Variants in PRAG1 observed in about 807,000 individuals in gnomAD.
PRAG1 encodes inactive tyrosine-protein kinase PRAG1.
A neutral mutation model predicts 95.6 loss-of-function variants in PRAG1; 110 were observed. The ratio of observed to expected loss-of-function variants is 1.15; its 90% confidence interval spans 0.99 to 1.35. The LOEUF is 1.35. Ranked by LOEUF, PRAG1 falls within the 40% of genes most tolerant of loss-of-function variation. The pLI, the probability that PRAG1 is intolerant of heterozygous loss-of-function variation, is 0.00. For synonymous variants in PRAG1, 1,052 were observed against 819.4 expected (o/e 1.28, Z -4.85); for missense variants, 2,554 against 1,864.7 (o/e 1.37, Z -6.81).
chr8:8,363,858 G>GTT (rs1799921961), intron 3 of PRAG1, among the ~76,000 whole-genome samples: 1 of 152,042 alleles, frequency 6.6e-6, no homozygotes, highest in East Asian at 1.9e-4. Context: ...TTGTGCTATA[G>GTT]ATTTCATTCT....
rs1800418402 is a variant in PRAG1, at chr8:8,376,795, G to C, written c.1614C>G (p.Pro538=). ...TGGGGGGAATGGCGGGCCTCTCCTTGGGCTTGCTCTCGCTGGCACTGTGAG... is the reference window on the plus strand; with the variant it reads ...TGGGGGGAATGGCGGGCCTCTCCTTCGGCTTGCTCTCGCTGGCACTGTGAG... ...SHAHSASESK[P]KERPAIPPKL... The change falls in exon 3 of 6, where the codon CCC becomes CCG. Residue 538 remains proline (P), a synonymous_variant. Transcript: ENST00000615670. 2.5e-6 allele frequency: 4 copies of C among 1,611,226 alleles called. No homozygotes were observed. Among genetic ancestry groups the C allele is most frequent in the Admixed American group, 3.3e-5 (2 of 59,998 alleles).
intron 3 of PRAG1, chr8:8,374,670 T>C: frequency 1.0e-6 from 1 of 985,380 alleles, no homozygotes; most frequent in Non-Finnish European, 1.2e-6. Flanking sequence ...AATCTCTCAT[T>C]CATTCGGGGA....
chr8:8,355,169 T>C (rs990620489), intron 3 of PRAG1, among the ~76,000 whole-genome samples: 4 of 152,062 alleles, frequency 2.6e-5, no homozygotes, highest in Non-Finnish European at 5.9e-5. Flanking sequence ...CAATCCAACT[T>C]ACAATGGCAT....
intron 3 of PRAG1, among the ~76,000 whole-genome samples, chr8:8,344,049 T>C (rs893004431): frequency 6.6e-6 from 1 of 152,198 alleles, no homozygotes; most frequent in Non-Finnish European, 1.5e-5. Flanking sequence ...ATATGTTTTT[T>C]TCATCCTAAG....
chr8:8,351,500 A>G (rs962377756), intron 3 of PRAG1, among the ~76,000 whole-genome samples: 1 of 152,128 alleles, frequency 6.6e-6, no homozygotes, highest in Admixed American at 6.5e-5. Context: ...TGATGTCTCT[A>G]CTCTTACTAC....
In PRAG1 at chr8:8,377,761, C is replaced by G. The variant is rs753950869; in HGVS notation, c.648G>C (p.Gly216=). ...SFRQKLAAFA[G]TTSGCHQGPG... ...GGCCCTGGTGACAGCCAGATGTGGT[C>G]CCAGCAAAGGCAGCCAGTTTCTGGC... The change falls in exon 3 of 6, where the codon GGG becomes GGC. Residue 216 remains glycine, a synonymous_variant. Transcript: ENST00000615670. 6.2e-6 allele frequency: 10 copies of G among 1,613,994 alleles called. No homozygotes were observed. The highest frequency in any genetic ancestry group is 1.7e-5 in the Admixed American group (1 of 60,014).
rs750830312 is a variant in PRAG1, at chr8:8,319,311, A to G, written c.3073-9T>C. ...TCAGGGGCTTTGCAGATCTGTGGAGAGAAGAAGAAGTGAAATCAAGAGTGG... is the reference window on the plus strand; with the variant it reads ...TCAGGGGCTTTGCAGATCTGTGGAGGGAAGAAGAAGTGAAATCAAGAGTGG... On this transcript the variant is annotated splice_polypyrimidine_tract_variant and intron_variant, in intron 5 of 5. Coordinates refer to ENST00000615670, the MANE Select transcript of PRAG1 (RefSeq NM_001080826.3). The G allele has an allele frequency of 6.0e-6, 9 of 1,489,174 alleles. No homozygotes were observed. The highest frequency in any genetic ancestry group is 3.7e-4 in the Middle Eastern group (2 of 5,452). The allele number at this position is 1,489,174 out of a possible 1,614,324, so 92.2% of individuals were successfully genotyped here. A position where few individuals can be genotyped will look rare whatever the true frequency, so the allele number is the denominator to read the frequency against.
chr8:8,327,262 C>T (rs1045137471), intron 5 of PRAG1, among the ~76,000 whole-genome samples: 6 of 152,166 alleles, frequency 3.9e-5, no homozygotes, highest in Non-Finnish European at 7.3e-5. Flanking sequence ...AGCTGCTGAG[C>T]ACTAAGTGTT....
At chr8:8,339,997 C>T (rs1223257326) in intron 3 of PRAG1, among the ~76,000 whole-genome samples, 1 of 152,210 alleles carries the variant, frequency 6.6e-6, no homozygotes, top group Non-Finnish European at 1.5e-5. Flanking sequence ...TATTATCATA[C>T]ACACCAATGT....
In PRAG1 at chr8:8,318,694, G is replaced by T. The variant is rs757511694; in HGVS notation, c.3681C>A (p.Thr1227=). 1.2e-6 allele frequency: 2 copies of T among 1,610,972 alleles called. No individual in the cohort carries two copies. The highest frequency in any genetic ancestry group is 1.7e-6 in the Non-Finnish European group (2 of 1,179,562). The change falls in exon 6 of 6, where the codon ACC becomes ACA. Residue 1227 remains threonine (T), a synonymous_variant. Coordinates refer to ENST00000615670, the MANE Select transcript of PRAG1 (RefSeq NM_001080826.3). This position sits in a 1 kb window ranked among gnomAD's most constrained non-coding sequence, Gnocchi z 4.2. ...FLKAKQKPGG[T]PNLQQKKSQA... ...GGCTCTTCTTCTGCTGCAGGTTTGG[G>T]GTGCCGCCCGGCTTCTGCTTGGCCT...
At position 8,318,550 on chromosome 8, in the gene PRAG1, G is replaced by C. The variant is rs1798356166; in HGVS notation, c.3825C>G (p.Ala1275=). The C allele has an allele frequency of 6.2e-7, 1 of 1,613,518 alleles. No individual in the cohort carries two copies. Among genetic ancestry groups the C allele is most frequent in the African/African-American group, 1.3e-5 (1 of 74,916 alleles). The change falls in exon 6 of 6, where the codon GCC becomes GCG. Residue 1275 remains alanine, a synonymous_variant. Transcript: ENST00000615670. The surrounding 1 kb of genome is among the most constrained non-coding windows in gnomAD (Gnocchi z 4.2). ...GCCGGTAGTCTCTCTCCCGCAGCTG[G>C]GCGCGCACCTCGAACGGGTTGGGTT... ...LHQPNPFEVR[A]QLRERDYRQE... is the part of the protein sequence containing the mutation.
rs548330712 is a variant in PRAG1 at position 8,373,692 on chromosome 8, G to T, written c.2162+2555C>A. ...GGTCTCAAAGTCCTGGGCTCAAGCA[G>T]TCTGCCTGCCTTGGCCTCCCAAAGT... On this transcript the variant is annotated intron_variant, in intron 3 of 5. Transcript: ENST00000615670. 5.3e-5 allele frequency among the ~76,000 whole-genome samples: 8 copies of T among 152,204 alleles called. No homozygotes were observed. The East Asian group carries it at 1.4e-3, about 26-fold the overall frequency.
chr8:8,318,421 G>C lies in PRAG1; in HGVS notation c.3954C>G (p.Ile1318Met), dbSNP rs369760194. ...LEADPIKRIR[I>M]GEAKRVLQCL... ...ACTGCAGCACGCGCTTGGCCTCGCC[G>C]ATGCGGATACGCTTGATGGGGTCGG... Residue 1318 changes from isoleucine (I) to methionine (M), a missense_variant, in exon 6 of 6, where the codon ATC (isoleucine) becomes ATG (methionine). Physicochemically the swap from Ile to Met is conservative, Grantham distance 10. Coordinates refer to ENST00000615670, the MANE Select transcript of PRAG1 (RefSeq NM_001080826.3). This position sits in a 1 kb window ranked among gnomAD's most constrained non-coding sequence, Gnocchi z 4.2. The C allele has an allele frequency of 3.1e-6, 5 of 1,612,848 alleles. No homozygotes were observed. Among genetic ancestry groups the C allele is most frequent in the Non-Finnish European group, 4.2e-6 (5 of 1,179,768 alleles).
In PRAG1 at chr8:8,377,473, A is replaced by G. The variant is rs1800457269; in HGVS notation, c.936T>C (p.Cys312=). The change falls in exon 3 of 6, where the codon TGT becomes TGC. Residue 312 remains cysteine, a synonymous_variant. Coordinates refer to ENST00000615670, the MANE Select transcript of PRAG1 (RefSeq NM_001080826.3). ...KRGPSFPKEC[C]SQGPTAHPSC... is the part of the protein sequence containing the mutation. Reference sequence around the variant, plus strand: ...ATGGGTGGGCAGTGGGGCCCTGGCTACAGCACTCCTTGGGGAAGCTCGGGC... The same window carrying G: ...ATGGGTGGGCAGTGGGGCCCTGGCTGCAGCACTCCTTGGGGAAGCTCGGGC... 3 of 1,552,956 alleles carry G rather than the reference A, an allele frequency of 1.9e-6. No individual in the cohort carries two copies. The highest frequency in any genetic ancestry group is 4.5e-5 in the East Asian group (2 of 44,442).
chr8:8,321,567 C>A (rs76926909), intron 5 of PRAG1, among the ~76,000 whole-genome samples: 13,974 of 152,194 alleles, frequency 0.092, 1,209 homozygotes, highest in African/African-American at 0.23. Context: ...TGGGCTCTTG[C>A]ATGTGCAAGT....
chr8:8,358,544 C>T (rs1048547097), intron 3 of PRAG1, among the ~76,000 whole-genome samples: 3 of 152,200 alleles, frequency 2.0e-5, no homozygotes, highest in Non-Finnish European at 2.9e-5. Flanking sequence ...CAAGGGGCTG[C>T]CAGCCCTCAG....
At chr8:8,333,969 T>C (rs201554803) in intron 4 of PRAG1, among the ~76,000 whole-genome samples, 15 of 152,310 alleles carry the variant, frequency 9.8e-5, no homozygotes, top group Non-Finnish European at 1.9e-4. Context: ...GAAGTGGCTG[T>C]CATGCAGGTT....
At chr8:8,385,582 G>A (rs927095392) in intron 1 of PRAG1, among the ~76,000 whole-genome samples, 8 of 152,170 alleles carry the variant, frequency 5.3e-5, no homozygotes, top group Non-Finnish European at 7.3e-5. Flanking sequence ...TGAATGCATC[G>A]CCAAAACTCC....
chr8:8,353,967 A>T (rs187204462), intron 3 of PRAG1, among the ~76,000 whole-genome samples: 1 of 152,198 alleles, frequency 6.6e-6, no homozygotes, highest in African/African-American at 2.4e-5. Flanking sequence ...CAGAAAAGCC[A>T]CATAAGGAAA....
Sources: gnomAD v4.1 joint callset for allele counts (sites outside exome capture counted in the v4.1 genomes callset) on GRCh38, gnomAD v4.1.1 for gene constraint, Gnocchi (gnomAD v3.1) non-coding constraint, MANE v1.5 for transcripts, NCBI Gene and HGNC (gene_info 2026-07-23, HGNC 2026-07-21) for gene names.